MBNL2: variants seen among roughly 807,000 people sequenced by gnomAD.
The protein encoded by MBNL2 is muscleblind like splicing regulator 2.
A neutral mutation model predicts 41.9 loss-of-function variants in MBNL2; 17 were observed. The observed-to-expected ratio is 0.41, with a 90% CI of 0.28 to 0.61. MBNL2 has a LOEUF of 0.61. Among genes scored for constraint, MBNL2 ranks in the 20% least tolerant of loss-of-function variants. MBNL2 has a pLI of 0.35. For missense variants in MBNL2, 336 were observed against 505.6 expected (o/e 0.66, Z 3.22); for synonymous variants, 195 against 182.9 (o/e 1.07, Z -0.53).
the MBNL2 span, among the ~76,000 whole-genome samples, chr13:97,190,104 T>G: frequency 6.6e-6 from 1 of 152,240 alleles, no homozygotes; most frequent in South Asian, 2.1e-4. Context: ...TTAGTTTCCA[T>G]GTGCTATCTT....
chr13:97,289,170 G>C (rs1377993400), intron 2 of MBNL2, among the ~76,000 whole-genome samples: 2 of 149,088 alleles, frequency 1.3e-5, no homozygotes, highest in African/African-American at 5.2e-5. Flanking sequence ...TACTGATGTG[G>C]GTGCTTAGGT....
the MBNL2 span, among the ~76,000 whole-genome samples, chr13:97,205,398 AAAAAAT>A: frequency 6.6e-6 from 1 of 150,556 alleles, no homozygotes; most frequent in South Asian, 2.1e-4. Flanking sequence ...TAAAAAAAAT[AAAAAAT>A]AAAAAAAAGA....
upstream of MBNL2, among the ~76,000 whole-genome samples, chr13:97,219,374 C>T (rs2040672737): frequency 1.3e-5 from 2 of 152,156 alleles, no homozygotes; most frequent in Non-Finnish European, 2.9e-5. Flanking sequence ...TTATCTTTTT[C>T]CTAAAAGCAA....
chr13:97,228,733 T>C (rs1594060933), intron 1 of MBNL2, among the ~76,000 whole-genome samples: 1 of 152,074 alleles, frequency 6.6e-6, no homozygotes, highest in South Asian at 2.1e-4. Flanking sequence ...TTTCACCATA[T>C]TGGCCAGGGT....
chr13:97,363,867 G>A (rs1006356085), intron 7 of MBNL2, among the ~76,000 whole-genome samples: 3 of 151,912 alleles, frequency 2.0e-5, no homozygotes, highest in South Asian at 2.1e-4. Context: ...GCAAAAAGTC[G>A]CCCTCCAGCG....
chr13:97,190,259 G>A, the MBNL2 span, among the ~76,000 whole-genome samples: 1 of 152,230 alleles, frequency 6.6e-6, no homozygotes, highest in Non-Finnish European at 1.5e-5. Flanking sequence ...GTAAATAAAT[G>A]TTTAAGAAGA....
chr13:97,245,396 C>T (rs2045256034), intron 1 of MBNL2, among the ~76,000 whole-genome samples: 1 of 152,138 alleles, frequency 6.6e-6, no homozygotes, highest in Admixed American at 6.6e-5. Flanking sequence ...CTACCCTTGG[C>T]ATATCATAGG....
At chr13:97,207,408 A>C in the MBNL2 span, among the ~76,000 whole-genome samples, 1 of 152,196 alleles carries the variant, frequency 6.6e-6, no homozygotes, top group Admixed American at 6.5e-5. Flanking sequence ...GTGGCTGGGG[A>C]AGCCTCACAA....
chr13:97,152,129 G>C, the MBNL2 span, among the ~76,000 whole-genome samples: 1 of 152,092 alleles, frequency 6.6e-6, no homozygotes, highest in Non-Finnish European at 1.5e-5. Context: ...AAACAAAGAA[G>C]ATGAAGTCTT....
the MBNL2 span, among the ~76,000 whole-genome samples, chr13:97,144,511 C>T: frequency 7.0e-6 from 1 of 143,640 alleles, no homozygotes; most frequent in African/African-American, 2.7e-5. Flanking sequence ...CTTACTGCAA[C>T]CTCTGCCTCC....
chr13:97,157,819 G>T, the MBNL2 span, among the ~76,000 whole-genome samples: 1 of 151,792 alleles, frequency 6.6e-6, no homozygotes, highest in African/African-American at 2.4e-5. Flanking sequence ...GAGGATTTTT[G>T]CATCAATGTT....
chr13:97,256,604 T>A (rs1594102994), intron 1 of MBNL2, among the ~76,000 whole-genome samples: 1 of 152,190 alleles, frequency 6.6e-6, no homozygotes, highest in South Asian at 2.1e-4. Context: ...TGTTGCAATC[T>A]TCTTACCATG....
chr13:97,297,470 A>T (rs1054290574), intron 2 of MBNL2, among the ~76,000 whole-genome samples: 3 of 152,036 alleles, frequency 2.0e-5, no homozygotes, highest in Admixed American at 2.0e-4. Flanking sequence ...ATCTCATCAG[A>T]CTTGACTGGG....
intron 1 of MBNL2, among the ~76,000 whole-genome samples, chr13:97,224,344 G>C (rs1330727165): frequency 6.6e-6 from 1 of 152,188 alleles, no homozygotes; most frequent in African/African-American, 2.4e-5. Context: ...CCCCAAGCAG[G>C]GGAAGTACAA....
chr13:97,229,293 G>C (rs1327535420), intron 1 of MBNL2, among the ~76,000 whole-genome samples: 1 of 151,718 alleles, frequency 6.6e-6, no homozygotes, highest in Non-Finnish European at 1.5e-5. Context: ...CCCACAGGAA[G>C]AGCTGCCTCC....
chr13:97,382,672 ATTTTTT>A (rs72001733), intron 8 of MBNL2, among the ~76,000 whole-genome samples: 2 of 125,636 alleles, frequency 1.6e-5, no homozygotes, highest in Non-Finnish European at 3.4e-5. Flanking sequence ...TCTGCCAACT[ATTTTTT>A]TTTTTTTTTT....
In MBNL2 at chr13:97,307,321, A is replaced by C. The variant is rs1243871909; in HGVS notation, c.175-26955A>C. Among the ~76,000 whole-genome samples the C allele has an allele frequency of 2.0e-5, 3 of 151,764 alleles. No individual in the cohort carries two copies. The East Asian group carries it at 5.8e-4, about 29-fold the overall frequency. On this transcript the variant is annotated intron_variant, in intron 2 of 8. Coordinates refer to ENST00000679496, the MANE Select transcript of MBNL2 (RefSeq NM_001382683.1). ...ACTTTGAACTTCCATTGATTTTTCCACTGTGTGTGCCAAAGCCTTAAATTG... is the reference window on the plus strand; with the variant it reads ...ACTTTGAACTTCCATTGATTTTTCCCCTGTGTGTGCCAAAGCCTTAAATTG...
At chr13:97,206,905 G>C in the MBNL2 span, among the ~76,000 whole-genome samples, 2 of 152,158 alleles carry the variant, frequency 1.3e-5, no homozygotes, top group African/African-American at 4.8e-5. Flanking sequence ...GTGTGACCTT[G>C]AGCAAGTTAT....
intron 1 of MBNL2, among the ~76,000 whole-genome samples, chr13:97,240,890 T>C (rs996635513): frequency 6.6e-6 from 1 of 152,110 alleles, no homozygotes; most frequent in Non-Finnish European, 1.5e-5. Context: ...ACAGATAAAA[T>C]TGCTTCTGTC....
Sources: gnomAD v4.1 joint callset for allele counts (sites outside exome capture counted in the v4.1 genomes callset) on GRCh38, gnomAD v4.1.1 for gene constraint, MANE v1.5 for transcripts, NCBI Gene and HGNC (gene_info 2026-07-23, HGNC 2026-07-21) for gene names.